CSMD1: variants seen among roughly 807,000 people sequenced by gnomAD.
CSMD1 encodes CUB and sushi domain-containing protein 1.
Under a neutral mutation model 417.5 loss-of-function variants are expected in CSMD1, and 213 were observed. The ratio of observed to expected loss-of-function variants is 0.51; its 90% CI spans 0.46 to 0.57. The LOEUF (loss-of-function observed/expected upper bound fraction) is 0.57, where lower values mean the gene tolerates loss of function less well. CSMD1 is among the 20% of genes least tolerant of loss of function. CSMD1 has a pLI of 0.00. For missense variants in CSMD1, 6,923 were observed against 4,529.7 expected (o/e 1.53, Z -15.17); for synonymous variants, 2,862 against 1,736.8 (o/e 1.65, Z -16.11).
intron 29 of CSMD1, among the ~76,000 whole-genome samples, chr8:3,215,738 G>A (rs1442453436): frequency 6.6e-6 from 1 of 152,044 alleles, no homozygotes; most frequent in Non-Finnish European, 1.5e-5. Flanking sequence ...AAATGAAAAA[G>A]TGTATAACCC....
rs1416567434 is a variant in CSMD1, at chr8:4,473,353, G to C, written c.303-53288C>G. Among the ~76,000 whole-genome samples the C allele has an allele frequency of 3.3e-5, 5 of 152,142 alleles. No individual in the cohort carries two copies. In the South Asian group the frequency reaches 8.3e-4, roughly 25 times the overall value. ...CAGCAGAGACAACCTGATGCCATTG[G>C]GGTATCTGAGGTTGAGAAAGTGGCT... On this transcript the variant is annotated intron_variant, in intron 2 of 69. Coordinates refer to ENST00000635120, the MANE Select transcript of CSMD1 (RefSeq NM_033225.6).
In CSMD1 at chr8:4,415,716, G is replaced by A. The variant is rs78124617; in HGVS notation, c.415+4237C>T. On this transcript the variant is annotated intron_variant, in intron 3 of 69. Transcript: ENST00000635120. ...AATGCTGATTAAATAAATGAGAGAA[G>A]AAATGAATGAGCAAATCTGTGTATC... 2.3e-4 allele frequency among the ~76,000 whole-genome samples: 35 copies of A among 152,326 alleles called. 2 individuals carry two copies. In the East Asian group the frequency reaches 6.7e-3, roughly 29 times the overall value.
chr8:4,905,114 T>C (rs965964587), intron 1 of CSMD1, among the ~76,000 whole-genome samples: 4 of 152,162 alleles, frequency 2.6e-5, no homozygotes, highest in Admixed American at 2.6e-4. Flanking sequence ...TAGTGCTCTA[T>C]ATACTCAACT....
intron 3 of CSMD1, among the ~76,000 whole-genome samples, chr8:4,261,994 A>G (rs1803920580): frequency 2.0e-5 from 3 of 152,222 alleles, no homozygotes; most frequent in Admixed American, 2.0e-4. Context: ...CCTGGGAATG[A>G]GTGAAATTCT....
intron 1 of CSMD1, among the ~76,000 whole-genome samples, chr8:4,751,675 A>C (rs1452676226): frequency 6.6e-6 from 1 of 152,170 alleles, no homozygotes; most frequent in Non-Finnish European, 1.5e-5. Flanking sequence ...TAACATTTTT[A>C]ATGGTCAGCT....
At chr8:3,400,776 G>C (rs968138502) in intron 15 of CSMD1, among the ~76,000 whole-genome samples, 3 of 151,268 alleles carry the variant, frequency 2.0e-5, no homozygotes, top group African/African-American at 4.8e-5. Context: ...ATAGCACTGG[G>C]ATTGCTTTAT....
chr8:4,536,419 A>G (rs1797105499), intron 2 of CSMD1, among the ~76,000 whole-genome samples: 2 of 152,188 alleles, frequency 1.3e-5, no homozygotes, highest in Non-Finnish European at 2.9e-5. Context: ...ACATATAGGT[A>G]TGGATACTCT....
intron 1 of CSMD1, among the ~76,000 whole-genome samples, chr8:4,802,888 G>T (rs1282167940): frequency 6.6e-6 from 1 of 152,278 alleles, no homozygotes; most frequent in South Asian, 2.1e-4. Flanking sequence ...ATATCCGTGT[G>T]TTTTCAAATC....
At chr8:4,075,864 C>G (rs1187192989) in intron 3 of CSMD1, among the ~76,000 whole-genome samples, 1 of 152,140 alleles carries the variant, frequency 6.6e-6, no homozygotes, top group Admixed American at 6.5e-5. Flanking sequence ...GGAGCCAGTT[C>G]ATATCTGTTC....
chr8:3,587,765 C>G (rs1022749433), intron 8 of CSMD1, among the ~76,000 whole-genome samples: 1 of 152,024 alleles, frequency 6.6e-6, no homozygotes, highest in Non-Finnish European at 1.5e-5. Flanking sequence ...TATGCAAAAG[C>G]TTATTTTAGA....
chr8:3,644,976 A>G (rs1042837343), intron 7 of CSMD1, among the ~76,000 whole-genome samples: 1 of 150,670 alleles, frequency 6.6e-6, no homozygotes, highest in Non-Finnish European at 1.5e-5. Flanking sequence ...GAAAAAAAAA[A>G]AAAAAAAAAA....
intron 3 of CSMD1, among the ~76,000 whole-genome samples, chr8:4,309,613 T>C (rs73191953): frequency 0.63 from 95,479 of 151,228 alleles, 31,074 homozygotes; most frequent in East Asian, 0.86. Flanking sequence ...CCCATTTTAG[T>C]ACAACTCCCT....
chr8:3,945,133 A>G (rs1563239068), intron 5 of CSMD1, among the ~76,000 whole-genome samples: 1 of 151,280 alleles, frequency 6.6e-6, no homozygotes, highest in Non-Finnish European at 1.5e-5. Flanking sequence ...TGTAAGTGAT[A>G]CACAATTTGA....
At chr8:3,657,881 G>C (rs1240108319) in intron 7 of CSMD1, among the ~76,000 whole-genome samples, 1 of 152,084 alleles carries the variant, frequency 6.6e-6, no homozygotes, top group Non-Finnish European at 1.5e-5. Context: ...AAATCCTCTT[G>C]AAACTTACCC....
chr8:4,873,542 C>A (rs182929132), intron 1 of CSMD1, among the ~76,000 whole-genome samples: 24 of 152,214 alleles, frequency 1.6e-4, no homozygotes, highest in Middle Eastern at 3.4e-3. Flanking sequence ...TTAACAGCAT[C>A]TAAGAACATA....
chr8:4,565,773 T>TATAC (rs1563291870), intron 2 of CSMD1, among the ~76,000 whole-genome samples: 2 of 34,260 alleles, frequency 5.8e-5, no homozygotes, highest in African/African-American at 9.2e-5. Flanking sequence ...TATATATATA[T>TATAC]ATATATATAT....
intron 2 of CSMD1, among the ~76,000 whole-genome samples, chr8:4,532,495 A>G (rs1389972960): frequency 2.1e-5 from 3 of 145,868 alleles, no homozygotes; most frequent in African/African-American, 7.7e-5. Flanking sequence ...CGGAAGAGAA[A>G]TCCCGCACCC....
intron 2 of CSMD1, among the ~76,000 whole-genome samples, chr8:4,528,420 G>C (rs148807760): frequency 2.9e-4 from 44 of 152,216 alleles, no homozygotes; most frequent in African/African-American, 1.0e-3. Flanking sequence ...AAACACATGT[G>C]GACTTTTACC....
intron 9 of CSMD1, among the ~76,000 whole-genome samples, chr8:3,579,082 A>G (rs1228541317): frequency 6.6e-6 from 1 of 152,236 alleles, no homozygotes; most frequent in Non-Finnish European, 1.5e-5. Context: ...CCTAATGTAC[A>G]CCTGATGTTA....
Sources: allele counts gnomAD v4.1 joint callset (sites outside exome capture counted in the v4.1 genomes callset), GRCh38; gene constraint gnomAD v4.1.1; transcripts MANE v1.5; gene names NCBI Gene and HGNC (gene_info 2026-07-23, HGNC 2026-07-21).